Variants in DENND1A observed in about 807,000 individuals in gnomAD.
The protein encoded by DENND1A is DENN domain containing 1A, also known as DENN domain-containing protein 1A.
Under a neutral mutation model 113.7 loss-of-function variants are expected in DENND1A, and 51 were observed. The ratio of observed to expected loss-of-function variants is 0.45; its 90% CI spans 0.36 to 0.57. The LOEUF is 0.57. Ranked by LOEUF, DENND1A falls within the 20% of genes least tolerant of loss-of-function variation. DENND1A has a pLI of 0.00. For synonymous variants in DENND1A, 565 were observed against 570.8 expected, an observed-to-expected ratio of 0.99 and a Z score of 0.14; for missense variants, 1,258 against 1,395.9, an observed-to-expected ratio of 0.90 and a Z score of 1.57.
chr9:123,638,716 C>T (rs1285444184), intron 9 of DENND1A, among the ~76,000 whole-genome samples: 4 of 152,010 alleles, frequency 2.6e-5, no homozygotes, highest in Admixed American at 6.6e-5. Flanking sequence ...TCACCTCAGC[C>T]TCCCACAGTG....
rs1333780512 is a variant in DENND1A at position 123,387,330 on chromosome 9, C to T, written c.1760+400G>A. Among the ~76,000 whole-genome samples, 3 of 152,174 alleles carry T rather than the reference C, an allele frequency of 2.0e-5. 1 individual carries two copies. Among genetic ancestry groups the T allele is most frequent in the Non-Finnish European group, 2.9e-5 (2 of 68,030 alleles). ...TAATATACACATTTCATATGAGGAA[C>T]GTTTTCTTTTTTAACTTAAACTCTG... On this transcript the variant is annotated intron_variant, in intron 22 of 23. Coordinates refer to ENST00000394215, the MANE Select transcript of DENND1A (RefSeq NM_001352964.2).
At chr9:123,630,341 A>G in intron 10 of DENND1A, 35 bp downstream of exon 10, 1 of 1,502,198 alleles carries the variant, frequency 6.7e-7, no homozygotes, top group Non-Finnish European at 9.0e-7. Context: ...AGATCAGGGC[A>G]AAGGAGAAGC....
At chr9:123,450,940 G>T (rs558884458) in intron 17 of DENND1A, among the ~76,000 whole-genome samples, 191 bp from the exon 18 acceptor site, 1 of 152,034 alleles carries the variant, frequency 6.6e-6, no homozygotes, top group Non-Finnish European at 1.5e-5. Context: ...AACCCTTAAA[G>T]AGGCTGCAGA....
At chr9:123,832,589 TA>T (rs1356206116) in intron 2 of DENND1A, among the ~76,000 whole-genome samples, 1 of 152,110 alleles carries the variant, frequency 6.6e-6, no homozygotes, top group Non-Finnish European at 1.5e-5. Context: ...TTATTTGAAA[TA>T]ACCAAAACCA....
chr9:123,893,992 G>A (rs186515645), intron 1 of DENND1A, among the ~76,000 whole-genome samples: 1 of 152,246 alleles, frequency 6.6e-6, no homozygotes, highest in East Asian at 1.9e-4. Context: ...AAGCTCAGTT[G>A]CTCTCTCCAC....
intron 1 of DENND1A, among the ~76,000 whole-genome samples, chr9:123,894,658 A>G (rs916418568): frequency 7.2e-5 from 11 of 152,232 alleles, no homozygotes; most frequent in African/African-American, 2.7e-4. Context: ...TTCCATATAA[A>G]GATATTTAAT....
At chr9:123,531,262 GGTTT>G (rs1213825393) in intron 13 of DENND1A, among the ~76,000 whole-genome samples, 4 of 151,942 alleles carry the variant, frequency 2.6e-5, no homozygotes, top group African/African-American at 4.8e-5. Flanking sequence ...CTTCGTAGAA[GGTTT>G]GTTTAAGATC....
chr9:123,787,714 T>C (rs965767905), intron 3 of DENND1A, among the ~76,000 whole-genome samples: 1 of 152,184 alleles, frequency 6.6e-6, no homozygotes, highest in African/African-American at 2.4e-5. Context: ...TATATGTTTT[T>C]ATAATTTGTT....
intron 13 of DENND1A, among the ~76,000 whole-genome samples, chr9:123,471,253 C>G (rs532867497): frequency 1.3e-5 from 2 of 152,156 alleles, no homozygotes; most frequent in Non-Finnish European, 2.9e-5. Context: ...ATGTCTGGAA[C>G]GTGGGGCAAG....
At chr9:123,828,482 G>C (rs1485028363) in intron 2 of DENND1A, among the ~76,000 whole-genome samples, 1 of 151,898 alleles carries the variant, frequency 6.6e-6, no homozygotes, top group Non-Finnish European at 1.5e-5. Flanking sequence ...AATAAGTAAT[G>C]TTAAGAAATA....
chr9:123,582,497 T>TCAAGCAATTCTCCTGCCTC lies in DENND1A; in HGVS notation c.867+653_867+671dup, dbSNP rs1421085097. Among the ~76,000 whole-genome samples, 25 of 151,842 alleles carry TCAAGCAATTCTCCTGCCTC rather than the reference T, an allele frequency of 1.6e-4. No homozygotes were observed. In the Middle Eastern group the frequency reaches 0.017, roughly 103 times the overall value. On this transcript the variant is annotated intron_variant, in intron 12 of 23. Coordinates refer to ENST00000394215, the MANE Select transcript of DENND1A (RefSeq NM_001352964.2). ...TCACTGCAACCTCTGCCTCCTGGGT[T>TCAAGCAATTCTCCTGCCTC]CAAGCAATTCTCCTGCCTCAGCCTC...
intron 7 of DENND1A, among the ~76,000 whole-genome samples, chr9:123,670,392 T>A (rs2063707957): frequency 6.6e-6 from 1 of 152,080 alleles, no homozygotes; most frequent in African/African-American, 2.4e-5. Flanking sequence ...GGCTTGAGGG[T>A]TTGACCTAGG....
At chr9:123,847,434 G>A (rs910767021) in intron 2 of DENND1A, among the ~76,000 whole-genome samples, 1 of 151,876 alleles carries the variant, frequency 6.6e-6, no homozygotes, top group Non-Finnish European at 1.5e-5. Context: ...TAGAAAACAA[G>A]ACACAAAAAT....
intron 1 of DENND1A, among the ~76,000 whole-genome samples, chr9:123,918,641 T>G (rs184332542): frequency 6.6e-6 from 1 of 152,268 alleles, no homozygotes; most frequent in East Asian, 1.9e-4. Context: ...AATTACCTTT[T>G]GAAAATGTTT....
chr9:123,712,531 G>A (rs949391830), intron 5 of DENND1A, among the ~76,000 whole-genome samples: 2 of 152,168 alleles, frequency 1.3e-5, no homozygotes, highest in African/African-American at 4.8e-5. Flanking sequence ...AGTATATGGA[G>A]CATTTAGAAT....
chr9:123,778,891 C>T (rs981092732), intron 3 of DENND1A, among the ~76,000 whole-genome samples: 4 of 152,154 alleles, frequency 2.6e-5, no homozygotes, highest in African/African-American at 4.8e-5. Flanking sequence ...GGTAATTCAA[C>T]GATTCAAATG....
chr9:123,676,150 C>A (rs1315992001), intron 6 of DENND1A, among the ~76,000 whole-genome samples: 1 of 152,166 alleles, frequency 6.6e-6, no homozygotes, highest in East Asian at 1.9e-4. Context: ...CCTTTGACAT[C>A]CATGGAAGAT....
intron 1 of DENND1A, among the ~76,000 whole-genome samples, chr9:123,925,940 C>T (rs1857014124): frequency 6.6e-6 from 1 of 152,208 alleles, no homozygotes; most frequent in Non-Finnish European, 1.5e-5. Context: ...TTACAGCCCA[C>T]TTCCTGCACT....
At chr9:123,915,083 C>A (rs1265452198) in intron 1 of DENND1A, among the ~76,000 whole-genome samples, 1 of 152,124 alleles carries the variant, frequency 6.6e-6, no homozygotes, top group Non-Finnish European at 1.5e-5. Flanking sequence ...GATGAAAGCA[C>A]TTGCATGATC....
Sources: gnomAD v4.1 joint callset for allele counts (sites outside exome capture counted in the v4.1 genomes callset) on GRCh38, gnomAD v4.1.1 for gene constraint, MANE v1.5 for transcripts, NCBI Gene and HGNC (gene_info 2026-07-23, HGNC 2026-07-21) for gene names.